The following ATP8B3 variants were observed in gnomAD, a reference collection of about 807,000 sequenced individuals.
ATP8B3 encodes ATPase phospholipid transporting 8B3.
In ATP8B3, 141 loss-of-function variants were observed where a neutral mutation model predicts 140.9. The ratio of observed to expected loss-of-function variants is 1.00; its 90% CI spans 0.87 to 1.15. The LOEUF (loss-of-function observed/expected upper bound fraction) is 1.15. Among genes scored for constraint, ATP8B3 ranks in the 50% most tolerant of loss-of-function variants. The pLI, the probability that ATP8B3 is intolerant of heterozygous loss-of-function variation, is 0.00. For missense variants in ATP8B3, 1,874 were observed against 1,740.6 expected (o/e 1.08, Z -1.36); for synonymous variants, 765 against 714.6 (o/e 1.07, Z -1.13).
At position 1,800,471 on chromosome 19, in the gene ATP8B3, G is replaced by T; in HGVS notation, c.1153-22C>A. On this transcript the variant is annotated intron_variant, in intron 12 of 28. Coordinates refer to ENST00000310127, the MANE Select transcript of ATP8B3 (RefSeq NM_138813.4). The surrounding 1 kb of genome is among the most constrained non-coding windows in gnomAD (Gnocchi z 4.4). ...AGATCTGGAAGGCAGACGCGACAGG[G>T]TGGGTGAGGGGGGCGGGGGTCCCCC... 6 of 1,590,712 alleles carry T rather than the reference G, an allele frequency of 3.8e-6. No individual in the cohort carries two copies. Among genetic ancestry groups the T allele is most frequent in the Non-Finnish European group, 4.3e-6 (5 of 1,163,372 alleles).
At chr19:1,802,406 TACCC>T in intron 11 of ATP8B3, 77 bp downstream of exon 11, 4 of 421,016 alleles carry the variant, frequency 9.5e-6, no homozygotes, top group South Asian at 1.8e-5. Context: ...TCCACCCACC[TACCC>T]ACCCACCCAT....
intron 14 of ATP8B3, among the ~76,000 whole-genome samples, chr19:1,797,958 C>T (rs2068732478): frequency 6.6e-6 from 1 of 151,894 alleles, no homozygotes. Context: ...GTGCATGCCA[C>T]CCCTTTGTGG....
rs2068615928 is a variant in ATP8B3 at position 1,794,755 on chromosome 19, A to G, written c.2055+1120T>C. On this transcript the variant is annotated intron_variant, in intron 18 of 28. Coordinates refer to ENST00000310127, the MANE Select transcript of ATP8B3 (RefSeq NM_138813.4). The surrounding 1 kb of genome is among the most constrained non-coding windows in gnomAD (Gnocchi z 4.8). The stretch of plus-strand genomic sequence containing the variant: ...AGCACCTGAGAGTGGGGAAGTCACA[A>G]GCCAGAAACTGGGTCCTAGGGAGTC... Among the ~76,000 whole-genome samples, 1 of 152,132 alleles carries G rather than the reference A, an allele frequency of 6.6e-6. No individual in the cohort carries two copies. The highest frequency in any genetic ancestry group is 1.9e-4 in the East Asian group (1 of 5,182).
chr19:1,809,579 T>C (rs1480210954), intron 4 of ATP8B3, 64 bp downstream of exon 4: 15 of 1,435,534 alleles, frequency 1.0e-5, no homozygotes, highest in Middle Eastern at 1.7e-4. Flanking sequence ...GAGCAAAAAA[T>C]AGATTCCCCG....
chr19:1,786,042 A>T (rs1270277576), intron 25 of ATP8B3, among the ~76,000 whole-genome samples: 1 of 152,018 alleles, frequency 6.6e-6, no homozygotes, highest in Admixed American at 6.6e-5. Flanking sequence ...CTGAGGCAGG[A>T]GGATCATTTG....
chr19:1,799,822 G>A (rs767936690), intron 14 of ATP8B3, 125 bp downstream of exon 14: 41 of 1,033,918 alleles, frequency 4.0e-5, no homozygotes, highest in African/African-American at 2.9e-4. Context: ...ATCTGGCTAC[G>A]GTTCCCTGGT....
At position 1,807,139 on chromosome 19, in the gene ATP8B3, C is replaced by T; in HGVS notation, c.615+29G>A. On this transcript the variant is annotated intron_variant, in intron 6 of 28. Coordinates refer to ENST00000310127, the MANE Select transcript of ATP8B3 (RefSeq NM_138813.4). This position sits in a 1 kb window ranked among gnomAD's most constrained non-coding sequence, Gnocchi z 5.9. ...CCCCCCGACCGGCCCCGCTCCCTCCCCCAGGCAGCTGCATCCAACAGCACT... is the reference window on the plus strand; with the variant it reads ...CCCCCCGACCGGCCCCGCTCCCTCCTCCAGGCAGCTGCATCCAACAGCACT... 1 of 1,594,908 alleles carries T rather than the reference C, an allele frequency of 6.3e-7. No individual in the cohort carries two copies.
At position 1,807,992 on chromosome 19, in the gene ATP8B3, C is replaced by T. The variant is rs1318215882; in HGVS notation, c.516+230G>A. ...CCCTGCCCAGCAGGAACCAGCGGGGCGTGGAGAGGGTGCCGTCATCAGACC... is the reference window on the plus strand; with the variant it reads ...CCCTGCCCAGCAGGAACCAGCGGGGTGTGGAGAGGGTGCCGTCATCAGACC... On this transcript the variant is annotated intron_variant, in intron 5 of 28. Transcript: ENST00000310127. The surrounding 1 kb of genome is among the most constrained non-coding windows in gnomAD (Gnocchi z 5.9). 3.3e-5 allele frequency among the ~76,000 whole-genome samples: 5 copies of T among 152,204 alleles called. No homozygotes were observed. The highest frequency in any genetic ancestry group is 4.8e-5 in the African/African-American group (2 of 41,466).
At position 1,793,424 on chromosome 19, in the gene ATP8B3, C is replaced by T. The variant is rs117949923; in HGVS notation, c.2056-1289G>A. On this transcript the variant is annotated intron_variant, in intron 18 of 28. Transcript: ENST00000310127. Reference sequence around the variant, plus strand: ...CCTGCATGGCGAATTCTGACTATCACTCAAGACCTTCTATGCAGTCCACCC... The same window carrying T: ...CCTGCATGGCGAATTCTGACTATCATTCAAGACCTTCTATGCAGTCCACCC... Among the ~76,000 whole-genome samples, 25 of 152,322 alleles carry T rather than the reference C, an allele frequency of 1.6e-4. 1 individual carries two copies. Among genetic ancestry groups the T allele is most frequent in the Non-Finnish European group, 2.8e-4 (19 of 68,022 alleles).
Position 1,808,222 on chromosome 19 carries a change from C to A in ATP8B3, c.516G>T (p.Gln172His). ...TCCTGGAGGAGGCAACACGCCTCACCTGCAGGATGATGATGATGAGGAAGA... is the reference window on the plus strand; with the variant it reads ...TCCTGGAGGAGGCAACACGCCTCACATGCAGGATGATGATGATGAGGAAGA... ...NLFFLIIIILQSIPDISTLPW... is the reference protein window; with the variant it reads ...NLFFLIIIILHSIPDISTLPW... The change falls in exon 5 of 29, where the codon CAG becomes CAT. Residue 172 changes from glutamine (Q) to histidine (H), a missense_variant and splice_region_variant. Physicochemically the swap from Gln to His is conservative, Grantham distance 24 (BLOSUM62 0). Transcript: ENST00000310127. 2 of 1,608,892 alleles carry A rather than the reference C, an allele frequency of 1.2e-6. No individual in the cohort carries two copies. The highest frequency in any genetic ancestry group is 1.1e-5 in the South Asian group (1 of 90,658).
intron 18 of ATP8B3, among the ~76,000 whole-genome samples, chr19:1,795,094 A>G (rs549414117): frequency 6.6e-6 from 1 of 152,014 alleles, no homozygotes; most frequent in Non-Finnish European, 1.5e-5. Context: ...CATCTCTACT[A>G]AAAATACAAA....
Position 1,802,487 on chromosome 19 carries a change from C to A in ATP8B3, c.1063G>T (p.Gly355Cys). 1 of 1,571,680 alleles carries A rather than the reference C, an allele frequency of 6.4e-7. No individual in the cohort carries two copies. Among genetic ancestry groups the A allele is most frequent in the African/African-American group, 1.5e-5 (1 of 67,004 alleles). The change falls in exon 11 of 29, where the codon GGT becomes TGT. Residue 355 changes from glycine (G) to cysteine (C), a missense_variant and splice_region_variant. Gly to Cys is a radical substitution (Grantham distance 159). Coordinates refer to ENST00000310127, the MANE Select transcript of ATP8B3 (RefSeq NM_138813.4). ...CTCCAGGACCCTGGAGCAGCCGTAC[C>A]AGCATAAATGACCAGTCCATAGCAG... ...DTCYGLVIYAGFDTKIMKNCG... is the reference protein window; with the variant it reads ...DTCYGLVIYACFDTKIMKNCG...
chr19:1,787,901 G>A (rs932441956), intron 24 of ATP8B3, among the ~76,000 whole-genome samples: 1 of 151,810 alleles, frequency 6.6e-6, no homozygotes, highest in African/African-American at 2.4e-5. Context: ...AATTAGCCAG[G>A]CATGGTGGCA....
chr19:1,803,245 T>C (rs911108597), intron 10 of ATP8B3, among the ~76,000 whole-genome samples: 2 of 151,948 alleles, frequency 1.3e-5, no homozygotes, highest in African/African-American at 4.8e-5. Context: ...AGGGTTAAAA[T>C]GACAATGGGG....
Position 1,796,071 on chromosome 19 carries a change from G to T in ATP8B3, c.1942+6C>A, listed in dbSNP as rs1034176915. ...GGGGGCCCAGGGCTTGGGTGGCGGGGCTCACCCAGCACCGACATCCGTTTG... is the reference window on the plus strand; with the variant it reads ...GGGGGCCCAGGGCTTGGGTGGCGGGTCTCACCCAGCACCGACATCCGTTTG... On this transcript the variant is annotated splice_donor_region_variant and intron_variant, in intron 17 of 28. Transcript: ENST00000310127. 6.2e-7 allele frequency: 1 copy of T among 1,612,320 alleles called. No homozygotes were observed. The highest frequency in any genetic ancestry group is 1.3e-5 in the African/African-American group (1 of 74,920).
intron 17 of ATP8B3, 40 bp downstream of exon 17, chr19:1,796,037 C>A: frequency 6.2e-7 from 1 of 1,611,576 alleles, no homozygotes; most frequent in East Asian, 2.2e-5. Flanking sequence ...GTCTGCCCGC[C>A]CCACCTTGGG....
chr19:1,802,429 C>A (rs1158905147), intron 11 of ATP8B3, 58 bp downstream of exon 11: 2 of 586,614 alleles, frequency 3.4e-6, no homozygotes, highest in Non-Finnish European at 5.1e-6. Flanking sequence ...ATCCCCACAT[C>A]CATCTACCAC....
rs754467645 is a variant in ATP8B3 at position 1,796,215 on chromosome 19, C to A, written c.1804G>T (p.Ala602Ser). ...AACACGTAGCCGAAGTTCCGGGCTGCGGTGACCAGCGCCCCCTCGTCGGGG... is the reference window on the plus strand; with the variant it reads ...AACACGTAGCCGAAGTTCCGGGCTGAGGTGACCAGCGCCCCCTCGTCGGGG... ...ASPDEGALVT[A>S]ARNFGYVFLS... The change falls in exon 17 of 29, where the codon GCA (alanine) becomes TCA (serine). Residue 602 changes from alanine to serine, a missense_variant. By Grantham distance (99) the Ala-to-Ser change is moderately conservative. Around this residue, in one of 3 missense-constraint regions of ATP8B3, gnomAD observed 1,032 missense variants for 963.6 expected, o/e 1.07. Transcript: ENST00000310127. The A allele has an allele frequency of 1.2e-6, 2 of 1,612,640 alleles. No homozygotes were observed. The highest frequency in any genetic ancestry group is 1.7e-6 in the Non-Finnish European group (2 of 1,179,832).
In ATP8B3 at chr19:1,783,126, T is replaced by C. The variant is rs775958143; in HGVS notation, c.3805A>G (p.Ile1269Val). The change falls in exon 29 of 29, where the codon ATT (isoleucine) becomes GTT (valine). Residue 1269 changes from isoleucine to valine, a missense_variant. Physicochemically the swap from Ile to Val is conservative, Grantham distance 29. Around this residue, in one of 3 missense-constraint regions of ATP8B3, gnomAD observed 840 missense variants for 760.9 expected, o/e 1.10. Transcript: ENST00000310127. ...CTGACCCCTGGTCCCCTCCGCAGAATTGTGCCCTGAGTGATGAGGTTTGCA... is the reference window on the plus strand; with the variant it reads ...CTGACCCCTGGTCCCCTCCGCAGAACTGTGCCCTGAGTGATGAGGTTTGCA... ...GYANLITQGTILRRGPGVSSD... is the reference protein window; with the variant it reads ...GYANLITQGTVLRRGPGVSSD... 1.3e-4 allele frequency: 205 copies of C among 1,613,432 alleles called. 1 individual carries two copies. Among genetic ancestry groups the C allele is most frequent in the Admixed American group, 2.2e-4 (13 of 59,944 alleles).
Sources: gnomAD v4.1 joint callset for allele counts (sites outside exome capture counted in the v4.1 genomes callset) on GRCh38, gnomAD v4.1.1 for gene constraint, gnomAD v4.1.1 regional missense constraint, Gnocchi (gnomAD v3.1) non-coding constraint, MANE v1.5 for transcripts, NCBI Gene and HGNC (gene_info 2026-07-23, HGNC 2026-07-21) for gene names.